UCMA: variants seen among roughly 807,000 people sequenced by gnomAD.
The protein encoded by UCMA is upper zone of growth plate and cartilage matrix-associated protein.
In UCMA, 21 loss-of-function variants were observed where a neutral mutation model predicts 21.8. The observed-to-expected ratio is 0.97, with a 90% CI of 0.68 to 1.39. The LOEUF is 1.39. UCMA is among the 40% of genes most tolerant of loss of function. The probability of loss-of-function intolerance (pLI) is 0.00; values close to 1 mark genes in which losing one functional copy is unlikely to be tolerated. For synonymous variants in UCMA, 76 were observed against 67.9 expected, an observed-to-expected ratio of 1.12 and a Z score of -0.58; for missense variants, 193 against 178.9, an observed-to-expected ratio of 1.08 and a Z score of -0.45.
rs1457080686 is a variant in UCMA at position 13,229,679 on chromosome 10, T to G, written c.251A>C (p.Glu84Ala). ...VENRQKLRVD[E>A]LRREYYEEQR... ...TTCCTCGTAATATTCTCTCCGCAGCTCATCAACCCGAAGCTTCTGCCTGTT... is the reference window on the plus strand; with the variant it reads ...TTCCTCGTAATATTCTCTCCGCAGCGCATCAACCCGAAGCTTCTGCCTGTT... Residue 84 changes from glutamate to alanine, a missense_variant, in exon 4 of 5, where the codon GAG becomes GCG. By Grantham distance (107) the Glu-to-Ala change is moderately radical (BLOSUM62 -1). Transcript: ENST00000378681. The G allele has an allele frequency of 1.2e-6, 2 of 1,614,050 alleles. No homozygotes were observed. Among genetic ancestry groups the G allele is most frequent in the Middle Eastern group, 1.6e-4 (1 of 6,062 alleles).
rs5783317 is a variant in UCMA at position 13,232,145 on chromosome 10, A to AGG, written c.220+1391_220+1392dup. ...TCTCAGCACTCTAAGAGGCCGAGGC[A>AGG]GGGGGGTCACCTGAGTTCAGGAGTT... On this transcript the variant is annotated intron_variant, in intron 3 of 4. Transcript: ENST00000378681. Among the ~76,000 whole-genome samples the AGG allele has an allele frequency of 7.9e-5, 12 of 151,964 alleles. No individual in the cohort carries two copies. The East Asian group carries it at 1.9e-3, about 25-fold the overall frequency.
intron 4 of UCMA, among the ~76,000 whole-genome samples, chr10:13,224,763 C>T (rs917464473): frequency 6.6e-6 from 1 of 152,214 alleles, no homozygotes; most frequent in African/African-American, 2.4e-5. Context: ...GGCCTAGTCT[C>T]ACCTCGGCCC....
intron 4 of UCMA, among the ~76,000 whole-genome samples, chr10:13,222,651 C>T (rs1834773090): frequency 6.6e-6 from 1 of 151,980 alleles, no homozygotes; most frequent in Admixed American, 6.6e-5. Context: ...TTTTTTCCTC[C>T]ATACTGTTCT....
intron 4 of UCMA, among the ~76,000 whole-genome samples, chr10:13,226,321 T>G (rs1834823611): frequency 6.6e-6 from 1 of 151,794 alleles, no homozygotes; most frequent in African/African-American, 2.4e-5. Context: ...ACCACCCAAG[T>G]AGCTGGGACT....
rs1256244268 is a variant in UCMA, at chr10:13,229,672, C to A, written c.258G>T (p.Arg86=). 1 of 1,614,144 alleles carries A rather than the reference C, an allele frequency of 6.2e-7. No individual in the cohort carries two copies. The highest frequency in any genetic ancestry group is 1.7e-5 in the Admixed American group (1 of 60,012). The change falls in exon 4 of 5, where the codon CGG becomes CGT. Residue 86 remains arginine (R), a synonymous_variant. Coordinates refer to ENST00000378681, the MANE Select transcript of UCMA (RefSeq NM_145314.3). ...TCCTTTGTTCCTCGTAATATTCTCT[C>A]CGCAGCTCATCAACCCGAAGCTTCT... is the stretch of plus-strand genomic sequence containing the variant. ...NRQKLRVDEL[R]REYYEEQRNE...
Position 13,228,510 on chromosome 10 carries a change from G to A in UCMA, c.319+1101C>T, listed in dbSNP as rs1340340368. ...AAGATAGGCTGTAGATGTTGATGCT[G>A]CAGGTGGGGTGAGAGGGTAGAAGGC... On this transcript the variant is annotated intron_variant, in intron 4 of 4. Transcript: ENST00000378681. Among the ~76,000 whole-genome samples, 4 of 152,210 alleles carry A rather than the reference G, an allele frequency of 2.6e-5. No individual in the cohort carries two copies. In the East Asian group the frequency reaches 7.7e-4, roughly 29 times the overall value.
chr10:13,227,784 T>C (rs1432214665), intron 4 of UCMA, among the ~76,000 whole-genome samples: 2 of 110,024 alleles, frequency 1.8e-5, no homozygotes, highest in Non-Finnish European at 3.9e-5. Flanking sequence ...ACACACATTC[T>C]CTGGTATGCT....
At chr10:13,229,082 C>G (rs1440386687) in intron 4 of UCMA, among the ~76,000 whole-genome samples, 1 of 151,916 alleles carries the variant, frequency 6.6e-6, no homozygotes, top group Non-Finnish European at 1.5e-5. Context: ...GTTACAGGTG[C>G]CCGCCACCAC....
At chr10:13,225,496 G>T (rs1834812730) in intron 4 of UCMA, among the ~76,000 whole-genome samples, 1 of 152,010 alleles carries the variant, frequency 6.6e-6, no homozygotes, top group South Asian at 2.1e-4. Context: ...CCAACATGGT[G>T]AAACCGTGTC....
chr10:13,225,673 C>CAAA lies in UCMA; in HGVS notation c.320-3476_320-3474dup, dbSNP rs397728212. ...CTGGTGACAGAGCGAGATTCCATCT[C>CAAA]AAAAAAAAAAAAAAAAAGAATAGGT... On this transcript the variant is annotated intron_variant, in intron 4 of 4. Transcript: ENST00000378681. 3.5e-4 allele frequency among the ~76,000 whole-genome samples: 37 copies of CAAA among 106,970 alleles called. 1 individual carries two copies. The highest frequency in any genetic ancestry group is 5.3e-4 in the African/African-American group (14 of 26,390). The allele number at this position is 106,970 out of a possible 152,430, so 70.2% of individuals were successfully genotyped here.
chr10:13,233,853 C>T (rs1244463143), intron 1 of UCMA, 53 bp from the exon 2 acceptor site: 19 of 1,603,828 alleles, frequency 1.2e-5, no homozygotes, highest in East Asian at 1.1e-4. Flanking sequence ...GAGCCCAGAC[C>T]CTGAGCTGAG....
intron 4 of UCMA, among the ~76,000 whole-genome samples, chr10:13,224,623 A>G (rs1834800731): frequency 6.6e-6 from 1 of 152,164 alleles, no homozygotes; most frequent in Non-Finnish European, 1.5e-5. Flanking sequence ...CATGAACCTG[A>G]TTTTGGTACT....
In UCMA at chr10:13,234,034, T is replaced by G. The variant is rs144849104; in HGVS notation, c.58+167A>C. On this transcript the variant is annotated intron_variant, in intron 1 of 4. Transcript: ENST00000378681. ...TACTGTTTTTTATTATTATTATTAT[T>G]TTTCTGTATTGCATTGTGTCCTACA... 8.5e-5 allele frequency among the ~76,000 whole-genome samples: 13 copies of G among 152,070 alleles called. 1 individual carries two copies. In the East Asian group the frequency reaches 2.3e-3, roughly 27 times the overall value.
intron 4 of UCMA, among the ~76,000 whole-genome samples, chr10:13,228,359 T>A (rs901591572): frequency 1.3e-5 from 2 of 152,128 alleles, no homozygotes; most frequent in Admixed American, 1.3e-4. Flanking sequence ...CTACTCTCTA[T>A]TTTTTGCTAG....
At chr10:13,227,322 C>T (rs969905862) in intron 4 of UCMA, among the ~76,000 whole-genome samples, 5 of 152,298 alleles carry the variant, frequency 3.3e-5, no homozygotes, top group South Asian at 2.1e-4. Context: ...CCCACAAAGG[C>T]GACCTAAACT....
intron 4 of UCMA, among the ~76,000 whole-genome samples, chr10:13,224,646 A>T (rs1268784776): frequency 2.0e-5 from 3 of 152,130 alleles, no homozygotes; most frequent in African/African-American, 7.2e-5. Context: ...CGAAAGTGAA[A>T]CTGGCATCCT....
intron 3 of UCMA, among the ~76,000 whole-genome samples, chr10:13,232,766 C>A (rs531569641): frequency 5.3e-5 from 8 of 151,984 alleles, no homozygotes; most frequent in Non-Finnish European, 8.8e-5. Context: ...GCCAGAGACT[C>A]GGGAGATACT....
chr10:13,234,157 T>TA, intron 1 of UCMA, 44 bp downstream of exon 1: 1 of 1,572,676 alleles, frequency 6.4e-7, no homozygotes, highest in Non-Finnish European at 8.6e-7. Context: ...AAGTCTCCCT[T>TA]ACCATGTAAC....
At chr10:13,229,772 T>C in intron 3 of UCMA, 63 bp from the exon 4 acceptor site, 1 of 1,391,200 alleles carries the variant, frequency 7.2e-7, no homozygotes, top group Non-Finnish European at 1.0e-6. Context: ...GGCACACACT[T>C]AGGGGAGCAC....
Sources: allele counts gnomAD v4.1 joint callset (sites outside exome capture counted in the v4.1 genomes callset), GRCh38; gene constraint gnomAD v4.1.1; transcripts MANE v1.5; gene names NCBI Gene and HGNC (gene_info 2026-07-23, HGNC 2026-07-21).